Variants in CDK5RAP2 observed in about 807,000 individuals in gnomAD.
The protein encoded by CDK5RAP2 is CDK5 regulatory subunit-associated protein 2.
Under a neutral mutation model 232.9 loss-of-function variants are expected in CDK5RAP2, and 147 were observed. The observed-to-expected ratio is 0.63, with a 90% CI of 0.55 to 0.72. The LOEUF (loss-of-function observed/expected upper bound fraction) is 0.72, where lower values mean the gene tolerates loss of function less well. Ranked by LOEUF, CDK5RAP2 falls within the 30% of genes least tolerant of loss-of-function variation. CDK5RAP2 has a pLI of 0.00. For synonymous variants in CDK5RAP2, 833 were observed against 833.7 expected, an observed-to-expected ratio of 1.00 and a Z score of 0.01; for missense variants, 2,195 against 2,231.5, an observed-to-expected ratio of 0.98 and a Z score of 0.33.
At chr9:120,528,866 A>G in intron 8 of CDK5RAP2, 69 bp from the exon 9 acceptor site, 1 of 1,086,646 alleles carries the variant, frequency 9.2e-7, no homozygotes, top group Non-Finnish European at 1.4e-6. Flanking sequence ...AACAATTAGA[A>G]TGAGCACGTC....
At chr9:120,520,985 T>G (rs1299604163) in intron 11 of CDK5RAP2, among the ~76,000 whole-genome samples, 1 of 152,104 alleles carries the variant, frequency 6.6e-6, no homozygotes, top group Non-Finnish European at 1.5e-5. Flanking sequence ...AGATATATCA[T>G]GAGATGTATC....
At chr9:120,576,557 C>T (rs2043039400) in intron 1 of CDK5RAP2, among the ~76,000 whole-genome samples, 1 of 152,158 alleles carries the variant, frequency 6.6e-6, no homozygotes. Flanking sequence ...TAAAAATTAG[C>T]CGAGCATGGT....
At chr9:120,450,501 T>C (rs2036426110) in intron 21 of CDK5RAP2, among the ~76,000 whole-genome samples, 1 of 152,172 alleles carries the variant, frequency 6.6e-6, no homozygotes, top group Admixed American at 6.5e-5. Context: ...ATGCACTGTA[T>C]GACATGTGAA....
chr9:120,552,538 T>C (rs931037162), intron 3 of CDK5RAP2, among the ~76,000 whole-genome samples: 4 of 151,958 alleles, frequency 2.6e-5, no homozygotes, highest in African/African-American at 9.7e-5. Flanking sequence ...TTCATGTCCT[T>C]TGTAGGGACG....
chr9:120,397,010 A>T (rs1752685176), intron 35 of CDK5RAP2, among the ~76,000 whole-genome samples: 1 of 152,144 alleles, frequency 6.6e-6, no homozygotes, highest in African/African-American at 2.4e-5. Context: ...TCCGCAAGGG[A>T]TCAAATGAGA....
chr9:120,546,694 A>G (rs1055061054), intron 4 of CDK5RAP2, among the ~76,000 whole-genome samples: 3 of 151,748 alleles, frequency 2.0e-5, no homozygotes, highest in African/African-American at 7.3e-5. Context: ...GTGCAGTGGT[A>G]CTATCATAGC....
At chr9:120,499,388 GT>G (rs1367938041) in intron 12 of CDK5RAP2, among the ~76,000 whole-genome samples, 14 of 148,208 alleles carry the variant, frequency 9.4e-5, no homozygotes, top group East Asian at 3.9e-4. Flanking sequence ...ATGAGCAGGG[GT>G]TTTTTTTTTA....
chr9:120,530,171 C>G, intron 7 of CDK5RAP2, 31 bp from the exon 8 acceptor site: 1 of 1,571,582 alleles, frequency 6.4e-7, no homozygotes, highest in Non-Finnish European at 8.7e-7. Flanking sequence ...AATATTAATT[C>G]TAAGCTGTTC....
intron 13 of CDK5RAP2, among the ~76,000 whole-genome samples, chr9:120,488,232 A>AT (rs1485258170): frequency 1.3e-5 from 2 of 152,226 alleles, no homozygotes; most frequent in African/African-American, 4.8e-5. Flanking sequence ...ATCCTTTCAA[A>AT]TTTTTATAAG....
intron 15 of CDK5RAP2, among the ~76,000 whole-genome samples, chr9:120,475,057 C>T (rs2037927699): frequency 6.6e-6 from 1 of 152,146 alleles, no homozygotes; most frequent in Non-Finnish European, 1.5e-5. Context: ...TACTACATGC[C>T]AGGAAGTATT....
rs1035656310 is a variant in CDK5RAP2, at chr9:120,497,140, C to T, written c.1312-5663G>A. On this transcript the variant is annotated intron_variant, in intron 12 of 37. Transcript: ENST00000349780. Reference sequence around the variant, plus strand: ...AACCCTGTGCTCTCTGAAACATGTGCTGTGTCCACTCAGGGTTGAATGGAT... The same window carrying T: ...AACCCTGTGCTCTCTGAAACATGTGTTGTGTCCACTCAGGGTTGAATGGAT... 6.9e-5 allele frequency among the ~76,000 whole-genome samples: 9 copies of T among 130,566 alleles called. 1 individual carries two copies. The highest frequency in any genetic ancestry group is 2.9e-4 in the African/African-American group (8 of 27,958). The allele number at this position is 130,566 out of a possible 152,430, so 85.7% of individuals were successfully genotyped here. A position where few individuals can be genotyped will look rare whatever the true frequency, so the allele number is the denominator to read the frequency against.
chr9:120,523,486 CAGTA>C (rs1485893518), intron 11 of CDK5RAP2, among the ~76,000 whole-genome samples: 1 of 152,198 alleles, frequency 6.6e-6, no homozygotes, highest in African/African-American at 2.4e-5. Context: ...ACTGTCAAAA[CAGTA>C]AGAGAAGGCA....
At chr9:120,558,596 C>T (rs932076228) in intron 3 of CDK5RAP2, among the ~76,000 whole-genome samples, 6 of 152,096 alleles carry the variant, frequency 3.9e-5, no homozygotes, top group Non-Finnish European at 8.8e-5. Flanking sequence ...GTATCATCTT[C>T]TCCCCTGTTC....
chr9:120,542,639 A>C (rs2041683545), intron 5 of CDK5RAP2, among the ~76,000 whole-genome samples: 1 of 152,196 alleles, frequency 6.6e-6, no homozygotes, highest in African/African-American at 2.4e-5. Flanking sequence ...CTAGTGCTGA[A>C]CTAGAAGTCA....
At chr9:120,577,787 G>T (rs373186960) in intron 1 of CDK5RAP2, among the ~76,000 whole-genome samples, 10 of 152,296 alleles carry the variant, frequency 6.6e-5, no homozygotes, top group African/African-American at 2.2e-4. Context: ...CAGATCAAGG[G>T]GTTGTTAAGT....
chr9:120,476,666 A>G, intron 15 of CDK5RAP2, among the ~76,000 whole-genome samples: 1 of 150,730 alleles, frequency 6.6e-6, no homozygotes, highest in African/African-American at 2.4e-5. Flanking sequence ...GCAACAGAGC[A>G]AGACTCCATC....
intron 25 of CDK5RAP2, among the ~76,000 whole-genome samples, chr9:120,430,942 A>C (rs2035249980): frequency 6.6e-6 from 1 of 152,260 alleles, no homozygotes; most frequent in East Asian, 1.9e-4. Context: ...ATAAAAAATG[A>C]TGAGTTCATG....
chr9:120,409,086 G>A (rs761206650), intron 30 of CDK5RAP2, 41 bp downstream of exon 30: 13 of 1,588,402 alleles, frequency 8.2e-6, no homozygotes, highest in Middle Eastern at 2.2e-4. Flanking sequence ...GCCTGCATGC[G>A]TGGTACGGCC....
chr9:120,550,147 A>C (rs1298070097), intron 4 of CDK5RAP2, among the ~76,000 whole-genome samples: 2 of 152,220 alleles, frequency 1.3e-5, no homozygotes, highest in Non-Finnish European at 2.9e-5. Flanking sequence ...TTTCAGAACC[A>C]AGGTTTGTTT....
Sources: allele counts gnomAD v4.1 joint callset (sites outside exome capture counted in the v4.1 genomes callset), GRCh38; gene constraint gnomAD v4.1.1; transcripts MANE v1.5; gene names NCBI Gene and HGNC (gene_info 2026-07-23, HGNC 2026-07-21).